Variants in FGF14 observed in about 807,000 individuals in gnomAD.
The protein encoded by FGF14 is fibroblast growth factor homologous factor 4.
In FGF14, 5 loss-of-function variants were observed where a neutral mutation model predicts 25.5. That is an observed-to-expected ratio of 0.20 (90% CI 0.10 to 0.41). The LOEUF is 0.41. FGF14 is among the 10% of genes least tolerant of loss of function. The pLI is 1.00. For synonymous variants in FGF14, 138 were observed against 118.3 expected (o/e 1.17, Z -1.08); for missense variants, 222 against 320.1 (o/e 0.69, Z 2.34).
chr13:102,159,226 T>C (rs2140558585), intron 1 of FGF14, among the ~76,000 whole-genome samples: 1 of 151,000 alleles, frequency 6.6e-6, no homozygotes, highest in South Asian at 2.1e-4. Flanking sequence ...CTAGCTGTAA[T>C]AGAATATGGC....
intron 1 of FGF14, among the ~76,000 whole-genome samples, chr13:102,340,699 G>A (rs2056924539): frequency 6.6e-6 from 1 of 152,124 alleles, no homozygotes; most frequent in South Asian, 2.1e-4. Flanking sequence ...ATCTATATGT[G>A]GATCAAGAAG....
intron 1 of FGF14, among the ~76,000 whole-genome samples, chr13:101,986,951 C>T (rs2139648326): frequency 6.6e-6 from 1 of 152,008 alleles, no homozygotes; most frequent in East Asian, 1.9e-4. Context: ...CACACACACA[C>T]ACACACACAC....
intron 4 of FGF14, among the ~76,000 whole-genome samples, chr13:101,724,359 A>G (rs1220117559): frequency 1.3e-5 from 2 of 150,682 alleles, no homozygotes; most frequent in Non-Finnish European, 3.0e-5. Context: ...ACCAAACACC[A>G]CATGTTCTCA....
chr13:102,100,545 A>G (rs1413719019), intron 1 of FGF14, among the ~76,000 whole-genome samples: 1 of 152,206 alleles, frequency 6.6e-6, no homozygotes. Context: ...TCAGTGACCA[A>G]TGATCAGAAC....
At chr13:101,964,013 G>T (rs947173940) in intron 1 of FGF14, among the ~76,000 whole-genome samples, 1 of 152,172 alleles carries the variant, frequency 6.6e-6, no homozygotes, top group South Asian at 2.1e-4. Context: ...TTTCAAACAT[G>T]ATTTATTTTT....
intron 1 of FGF14, among the ~76,000 whole-genome samples, chr13:102,071,824 G>A (rs1340622878): frequency 2.6e-5 from 4 of 152,142 alleles, no homozygotes; most frequent in Non-Finnish European, 5.9e-5. Flanking sequence ...TGGGCAATCG[G>A]AATAGGAGGA....
At chr13:102,251,838 CCAAA>C (rs1296465811) in intron 1 of FGF14, among the ~76,000 whole-genome samples, 1 of 152,134 alleles carries the variant, frequency 6.6e-6, no homozygotes, top group African/African-American at 2.4e-5. Context: ...CATCCAATCC[CCAAA>C]CAATTTTCCC....
chr13:102,163,489 C>T (rs933220186), intron 1 of FGF14, among the ~76,000 whole-genome samples: 7 of 152,034 alleles, frequency 4.6e-5, no homozygotes, highest in African/African-American at 1.2e-4. Context: ...GAAGGAAGGC[C>T]GTGTAAACCC....
At chr13:101,734,101 T>C (rs2036011342) in intron 3 of FGF14, among the ~76,000 whole-genome samples, 2 of 152,156 alleles carry the variant, frequency 1.3e-5, no homozygotes, top group Admixed American at 1.3e-4. Flanking sequence ...CTTCATCACC[T>C]GGAAGCTTGT....
intron 1 of FGF14, among the ~76,000 whole-genome samples, chr13:101,965,031 C>T (rs546356374): frequency 1.1e-4 from 16 of 152,196 alleles, no homozygotes; most frequent in African/African-American, 3.8e-4. Context: ...CACTTGAGGT[C>T]AGGAGTTCAA....
chr13:101,963,845 G>T (rs2037019648), intron 1 of FGF14, among the ~76,000 whole-genome samples: 1 of 152,194 alleles, frequency 6.6e-6, no homozygotes, highest in African/African-American at 2.4e-5. Flanking sequence ...TTGAGATTAT[G>T]AGGATTTTTA....
At chr13:101,867,760 C>G (rs1441573462) in intron 3 of FGF14, among the ~76,000 whole-genome samples, 1 of 152,068 alleles carries the variant, frequency 6.6e-6, no homozygotes, top group Non-Finnish European at 1.5e-5. Flanking sequence ...GAAGAGCCAG[C>G]ACTTTTGAGC....
chr13:102,229,861 C>T (rs1470855260), intron 1 of FGF14, among the ~76,000 whole-genome samples: 1 of 152,236 alleles, frequency 6.6e-6, no homozygotes, highest in African/African-American at 2.4e-5. Context: ...CAGAGGTGAA[C>T]TTAGGGTGAA....
chr13:101,795,996 A>T (rs2040498783), intron 3 of FGF14, among the ~76,000 whole-genome samples: 1 of 152,116 alleles, frequency 6.6e-6, no homozygotes, highest in African/African-American at 2.4e-5. Context: ...ACATGTAGAT[A>T]TTAAATGTAA....
intron 1 of FGF14, among the ~76,000 whole-genome samples, chr13:102,093,194 TA>T (rs1345763952): frequency 3.1e-5 from 4 of 128,960 alleles, no homozygotes; most frequent in Admixed American, 7.6e-5. Context: ...AGAAATATAT[TA>T]AAAAAAATTC....
intron 3 of FGF14, among the ~76,000 whole-genome samples, chr13:101,817,104 C>T (rs1167146241): frequency 6.6e-6 from 1 of 152,160 alleles, no homozygotes; most frequent in Non-Finnish European, 1.5e-5. Flanking sequence ...TTGGATTGTT[C>T]TGAGAACTTA....
intron 3 of FGF14, among the ~76,000 whole-genome samples, chr13:101,829,806 G>C (rs2042580686): frequency 6.6e-6 from 1 of 152,030 alleles, no homozygotes; most frequent in Non-Finnish European, 1.5e-5. Flanking sequence ...TTCACAGTGA[G>C]GCAAACTTTT....
chr13:102,173,112 A>G (rs1257217922), intron 1 of FGF14, among the ~76,000 whole-genome samples: 1 of 152,192 alleles, frequency 6.6e-6, no homozygotes, highest in Non-Finnish European at 1.5e-5. Flanking sequence ...TATCCAAAAT[A>G]TATTAACAAC....
At chr13:101,954,579 T>C (rs73567899) in intron 1 of FGF14, among the ~76,000 whole-genome samples, 2,242 of 152,344 alleles carry the variant, frequency 0.015, 59 homozygotes, top group African/African-American at 0.051. Flanking sequence ...TGTTGGTTGT[T>C]AACCTCTTTC....
Sources: gnomAD v4.1 joint callset for allele counts (sites outside exome capture counted in the v4.1 genomes callset) on GRCh38, gnomAD v4.1.1 for gene constraint, MANE v1.5 for transcripts, NCBI Gene and HGNC (gene_info 2026-07-23, HGNC 2026-07-21) for gene names.